The following MPDZ variants were observed in gnomAD, a reference collection of about 807,000 sequenced individuals.
MPDZ encodes multiple PDZ domain crumbs cell polarity complex component, also known as multiple PDZ domain protein.
Under a neutral mutation model 239.1 loss-of-function variants are expected in MPDZ, and 234 were observed. The observed-to-expected ratio is 0.98, with a 90% CI of 0.88 to 1.09. MPDZ has a LOEUF of 1.09. Among genes scored for constraint, MPDZ ranks in the 50% least tolerant of loss-of-function variants. The pLI is 0.00. For missense variants in MPDZ, 3,175 were observed against 2,510.0 expected (o/e 1.26, Z -5.66); for synonymous variants, 1,048 against 881.3 (o/e 1.19, Z -3.35).
At chr9:13,108,455 G>T (rs1232007711) in intron 46 of MPDZ, among the ~76,000 whole-genome samples, 1 of 151,844 alleles carries the variant, frequency 6.6e-6, no homozygotes, top group Non-Finnish European at 1.5e-5. Flanking sequence ...CATTTTTTCA[G>T]TAGTTATTTT....
At chr9:13,255,840 T>C (rs1969304720) in intron 1 of MPDZ, among the ~76,000 whole-genome samples, 1 of 152,204 alleles carries the variant, frequency 6.6e-6, no homozygotes, top group Admixed American at 6.5e-5. Context: ...TTTGAAATGG[T>C]AAATAAGCAC....
intron 32 of MPDZ, among the ~76,000 whole-genome samples, chr9:13,130,723 A>G (rs540749029): frequency 1.3e-5 from 2 of 152,370 alleles, no homozygotes; most frequent in African/African-American, 4.8e-5. Flanking sequence ...TAGGATTTAT[A>G]TAAGTTAAAA....
chr9:13,274,811 A>G (rs1973803803), intron 1 of MPDZ, among the ~76,000 whole-genome samples: 1 of 152,196 alleles, frequency 6.6e-6, no homozygotes, highest in South Asian at 2.1e-4. Flanking sequence ...ATCAGACTCA[A>G]AAACCACTGA....
intron 3 of MPDZ, among the ~76,000 whole-genome samples, chr9:13,236,245 G>GTATATA (rs774590252): frequency 1.5e-3 from 20 of 13,464 alleles, no homozygotes; most frequent in Non-Finnish European, 1.9e-3. Flanking sequence ...ATGTGTGTGT[G>GTATATA]TGTGTATATA....
chr9:13,144,368 T>C (rs1051644196), intron 26 of MPDZ, among the ~76,000 whole-genome samples: 12 of 151,982 alleles, frequency 7.9e-5, no homozygotes, highest in African/African-American at 2.7e-4. Context: ...AAAATACATA[T>C]TAAAGTCAGG....
intron 25 of MPDZ, 24 bp downstream of exon 25, chr9:13,150,487 C>T (rs767531525): frequency 1.4e-6 from 2 of 1,442,438 alleles, no homozygotes; most frequent in East Asian, 5.1e-5. Context: ...CAAATTTTAG[C>T]ACAGAAAGCT....
intron 24 of MPDZ, among the ~76,000 whole-genome samples, chr9:13,151,037 G>A (rs1949101186): frequency 6.6e-6 from 1 of 151,864 alleles, no homozygotes. Flanking sequence ...TGACCAATAA[G>A]CACATGAAAA....
chr9:13,274,505 AAG>A (rs1444286841), intron 1 of MPDZ: 5 of 152,072 alleles, frequency 3.3e-5, no homozygotes, highest in African/African-American at 9.7e-5. Flanking sequence ...GAAAAAAAGT[AAG>A]AGTTTGTCTC....
Position 13,138,019 on chromosome 9 carries a change from T to C in MPDZ, c.4138A>G (p.Ile1380Val). Residue 1380 changes from isoleucine to valine, a missense_variant, in exon 29 of 47, where the codon ATT becomes GTT. By Grantham distance (29) the Ile-to-Val change is conservative. Transcript: ENST00000319217. ...RSRMSVFIVG[I>V]DPNGAAGKDG... ...TTTCCTGCAGCTCCATTTGGATCAA[T>C]CCCCACTATGAAGACACTCATCCTG... 1.2e-6 allele frequency: 2 copies of C among 1,613,856 alleles called. No homozygotes were observed. Among genetic ancestry groups the C allele is most frequent in the South Asian group, 1.1e-5 (1 of 91,086 alleles).
At chr9:13,203,726 TGCCACA>T (rs1356242320) in intron 12 of MPDZ, among the ~76,000 whole-genome samples, 1 of 95,812 alleles carries the variant, frequency 1.0e-5, no homozygotes, top group South Asian at 4.0e-4. Context: ...CCATGTATCC[TGCCACA>T]CACACACACA....
intron 41 of MPDZ, 87 bp from the exon 42 acceptor site, chr9:13,113,141 A>C: frequency 8.2e-7 from 1 of 1,225,942 alleles, no homozygotes; most frequent in Non-Finnish European, 1.1e-6. Context: ...GGATGGGACT[A>C]AATGATAACC....
chr9:13,109,828 C>A (rs879154084), intron 45 of MPDZ, 124 bp downstream of exon 45: 1 of 744,392 alleles, frequency 1.3e-6, no homozygotes, highest in African/African-American at 1.8e-5. Context: ...ATAATTCACA[C>A]TTCATATATC....
intron 10 of MPDZ, among the ~76,000 whole-genome samples, chr9:13,209,466 T>C (rs1957365749): frequency 6.6e-6 from 1 of 152,156 alleles, no homozygotes; most frequent in Non-Finnish European, 1.5e-5. Context: ...TGTCACTTTG[T>C]CAATTCTTAA....
chr9:13,174,016 T>C (rs945195537), intron 21 of MPDZ, among the ~76,000 whole-genome samples: 6 of 152,170 alleles, frequency 3.9e-5, no homozygotes, highest in African/African-American at 1.4e-4. Flanking sequence ...ACTTCATCCA[T>C]AACAAACCAG....
chr9:13,125,609 T>G (rs1279514112), intron 34 of MPDZ, among the ~76,000 whole-genome samples: 2 of 152,174 alleles, frequency 1.3e-5, no homozygotes, highest in Non-Finnish European at 2.9e-5. Flanking sequence ...CATGGTTAAT[T>G]TCTACTCTAA....
Position 13,106,946 on chromosome 9 carries a change from T to G in MPDZ, c.*19A>C, listed in dbSNP as rs1337891976. On this transcript the variant is annotated 3_prime_UTR_variant, in exon 47 of 47. Transcript: ENST00000319217. ...GGAGGTGAGCTAGGGGTTGGGTTGG[T>G]TCAATTCTGGCAGCCAATTCAAGAG... 3.7e-6 allele frequency: 6 copies of G among 1,612,738 alleles called. No individual in the cohort carries two copies. The highest frequency in any genetic ancestry group is 5.1e-6 in the Non-Finnish European group (6 of 1,178,942).
At chr9:13,141,626 A>G (rs1042827002) in intron 27 of MPDZ, among the ~76,000 whole-genome samples, 1 of 152,162 alleles carries the variant, frequency 6.6e-6, no homozygotes, top group African/African-American at 2.4e-5. Context: ...GACTTCTTGT[A>G]AGGATACATT....
chr9:13,114,908 T>A (rs1358533829), intron 40 of MPDZ, among the ~76,000 whole-genome samples: 1 of 151,598 alleles, frequency 6.6e-6, no homozygotes, highest in Admixed American at 6.6e-5. Context: ...TCAAAATAAA[T>A]AAATAAATAA....
Position 13,242,353 on chromosome 9 carries a change from G to A in MPDZ, c.183+5282C>T, listed in dbSNP as rs1965627766. Among the ~76,000 whole-genome samples, 6 of 148,422 alleles carry A rather than the reference G, an allele frequency of 4.0e-5. No homozygotes were observed. The Admixed American group carries it at 4.1e-4, about 10-fold the overall frequency. On this transcript the variant is annotated intron_variant, in intron 3 of 46. Transcript: ENST00000319217. ...CAATTCTCGTGCCTCAGCCTCCCCA[G>A]TAGCTGGGATTACAGGCATGCATGA...
Sources: gnomAD v4.1 joint callset for allele counts (sites outside exome capture counted in the v4.1 genomes callset) on GRCh38, gnomAD v4.1.1 for gene constraint, MANE v1.5 for transcripts, NCBI Gene and HGNC (gene_info 2026-07-23, HGNC 2026-07-21) for gene names.